ISM1: variants seen among roughly 807,000 people sequenced by gnomAD.
ISM1 encodes isthmin 1, also known as isthmin-1.
In ISM1, 25 loss-of-function variants were observed where a neutral mutation model predicts 46.3. The observed-to-expected ratio is 0.54, with a 90% CI of 0.39 to 0.75. The LOEUF (loss-of-function observed/expected upper bound fraction) is 0.75, where lower values mean the gene tolerates loss of function less well. Ranked by LOEUF, ISM1 falls within the 30% of genes least tolerant of loss-of-function variation. The pLI is 0.00. For missense variants in ISM1, 536 were observed against 625.4 expected, an observed-to-expected ratio of 0.86 and a Z score of 1.52; for synonymous variants, 255 against 256.7, an observed-to-expected ratio of 0.99 and a Z score of 0.06.
At chr20:13,243,779 C>G (rs1326226897) in intron 1 of ISM1, among the ~76,000 whole-genome samples, 1 of 152,142 alleles carries the variant, frequency 6.6e-6, no homozygotes, top group Non-Finnish European at 1.5e-5. Flanking sequence ...AACTAATCAG[C>G]AAAACATGGT....
At chr20:13,317,379 T>C in the ISM1 span, among the ~76,000 whole-genome samples, 1 of 152,016 alleles carries the variant, frequency 6.6e-6, no homozygotes, top group African/African-American at 2.4e-5. Flanking sequence ...ACTTGATCTA[T>C]AGATTCAAGG....
intron 5 of ISM1, among the ~76,000 whole-genome samples, chr20:13,293,128 A>T (rs1364914415): frequency 1.3e-5 from 2 of 149,592 alleles, no homozygotes; most frequent in East Asian, 4.0e-4. Context: ...TGAACCCAGG[A>T]GGCGGAGGTT....
At chr20:13,322,852 G>A in the ISM1 span, among the ~76,000 whole-genome samples, 1 of 152,164 alleles carries the variant, frequency 6.6e-6, no homozygotes, top group African/African-American at 2.4e-5. Flanking sequence ...CCACAGATCT[G>A]GATAAGCTCA....
downstream of ISM1, among the ~76,000 whole-genome samples, chr20:13,303,791 G>A (rs1036577707): frequency 3.3e-5 from 5 of 152,214 alleles, no homozygotes; most frequent in African/African-American, 4.8e-5. Flanking sequence ...TCTTGGAGGG[G>A]AGATAGTGGA....
At chr20:13,285,957 GC>G (rs1372187439) in intron 3 of ISM1, among the ~76,000 whole-genome samples, 1 of 152,096 alleles carries the variant, frequency 6.6e-6, no homozygotes, top group African/African-American at 2.4e-5. Flanking sequence ...AGGTCCCTTT[GC>G]TTTTGCAAAG....
At chr20:13,321,015 A>C in the ISM1 span, among the ~76,000 whole-genome samples, 2 of 151,996 alleles carry the variant, frequency 1.3e-5, no homozygotes, top group Non-Finnish European at 2.9e-5. Context: ...CCTGTCCAAC[A>C]TGGTGGAACC....
At chr20:13,308,742 C>T in the ISM1 span, among the ~76,000 whole-genome samples, 1 of 152,094 alleles carries the variant, frequency 6.6e-6, no homozygotes, top group African/African-American at 2.4e-5. Context: ...TGTGTTCCCC[C>T]AAAATTTAAA....
chr20:13,250,338 T>C (rs1222423604), intron 1 of ISM1, among the ~76,000 whole-genome samples: 2 of 152,224 alleles, frequency 1.3e-5, no homozygotes, highest in East Asian at 1.9e-4. Flanking sequence ...GAAACTCCTT[T>C]GATAAGGCTC....
At chr20:13,324,722 TGGTGTCAAGCCA>T in the ISM1 span, among the ~76,000 whole-genome samples, 1 of 152,234 alleles carries the variant, frequency 6.6e-6, no homozygotes, top group Non-Finnish European at 1.5e-5. Context: ...TTCTTGAGGT[TGGTGTCAAGCCA>T]GGTGTCAGGA....
chr20:13,260,146 G>A (rs1350329044), intron 1 of ISM1, among the ~76,000 whole-genome samples: 2 of 152,228 alleles, frequency 1.3e-5, no homozygotes, highest in African/African-American at 4.8e-5. Flanking sequence ...AATCTGTACA[G>A]GCAGGTGGCA....
intron 3 of ISM1, among the ~76,000 whole-genome samples, chr20:13,286,505 G>A (rs2040294415): frequency 6.6e-6 from 1 of 152,184 alleles, no homozygotes; most frequent in Non-Finnish European, 1.5e-5. Flanking sequence ...CTGAGTGGTT[G>A]GAAAACCATT....
intron 1 of ISM1, among the ~76,000 whole-genome samples, chr20:13,246,742 A>G (rs2039798953): frequency 6.6e-6 from 1 of 152,224 alleles, no homozygotes; most frequent in African/African-American, 2.4e-5. Context: ...CCTTATAAGA[A>G]GAAAGTAACT....
At chr20:13,225,095 C>T (rs1313491518) in intron 1 of ISM1, among the ~76,000 whole-genome samples, 34 of 151,378 alleles carry the variant, frequency 2.2e-4, no homozygotes, top group Non-Finnish European at 3.7e-4. Context: ...CCTCATGATC[C>T]GCCCGCCTTG....
chr20:13,283,723 T>A (rs2040262179), intron 3 of ISM1, among the ~76,000 whole-genome samples: 1 of 152,252 alleles, frequency 6.6e-6, no homozygotes, highest in South Asian at 2.1e-4. Flanking sequence ...AACAGTAGTA[T>A]ACCATTTCCA....
chr20:13,248,165 T>C (rs1051775950), intron 1 of ISM1, among the ~76,000 whole-genome samples: 1 of 152,232 alleles, frequency 6.6e-6, no homozygotes, highest in Non-Finnish European at 1.5e-5. Context: ...GTAGTACATT[T>C]CTTTGTGTGC....
In ISM1 at chr20:13,246,272, CAA is replaced by C. The variant is rs34312426; in HGVS notation, c.139-24218_139-24217del. 1.3e-3 allele frequency among the ~76,000 whole-genome samples: 154 copies of C among 121,040 alleles called. 1 individual carries two copies. The highest frequency in any genetic ancestry group is 3.1e-3 in the Admixed American group (37 of 11,812). 79.4% of individuals were successfully genotyped at this position (121,040 alleles called of 152,430 possible). On this transcript the variant is annotated intron_variant, in intron 1 of 5. Transcript: ENST00000262487. ...TGGGCAACACAGCGAGACTCCATCT[CAA>C]AAAAAAAAAAAAAGCTTTTCTGTGA...
At chr20:13,325,906 C>A in the ISM1 span, among the ~76,000 whole-genome samples, 2 of 152,166 alleles carry the variant, frequency 1.3e-5, no homozygotes, top group South Asian at 4.1e-4. Context: ...CCAATACACA[C>A]GTCGACCATC....
At chr20:13,310,137 A>G in the ISM1 span, among the ~76,000 whole-genome samples, 170 of 152,352 alleles carry the variant, frequency 1.1e-3, 1 homozygote, top group African/African-American at 3.6e-3. Context: ...AGCCAAAGCA[A>G]TCTTGAGCAA....
intron 3 of ISM1, among the ~76,000 whole-genome samples, chr20:13,287,352 C>T (rs959193049): frequency 5.9e-5 from 9 of 152,064 alleles, no homozygotes; most frequent in South Asian, 4.1e-4. Context: ...TTCACTGCCA[C>T]GAAAACAACA....
Sources: gnomAD v4.1 joint callset for allele counts (sites outside exome capture counted in the v4.1 genomes callset) on GRCh38, gnomAD v4.1.1 for gene constraint, MANE v1.5 for transcripts, NCBI Gene and HGNC (gene_info 2026-07-23, HGNC 2026-07-21) for gene names.